Variants in LINGO1 observed in about 807,000 individuals in gnomAD.
The protein encoded by LINGO1 is leucine-rich repeat and immunoglobulin-like domain-containing nogo receptor-interacting protein 1.
Under a neutral mutation model 37.3 loss-of-function variants are expected in LINGO1, and 11 were observed. The ratio of observed to expected loss-of-function variants is 0.29; its 90% CI spans 0.19 to 0.49. The LOEUF (loss-of-function observed/expected upper bound fraction) is 0.49. LINGO1 is among the 20% of genes least tolerant of loss of function. The pLI is 0.99. For missense variants in LINGO1, 585 were observed against 878.2 expected, an observed-to-expected ratio of 0.67 and a Z score of 4.22; for synonymous variants, 387 against 403.0, an observed-to-expected ratio of 0.96 and a Z score of 0.48.
intron 2 of LINGO1, among the ~76,000 whole-genome samples, chr15:77,712,851 G>C (rs373742311): frequency 6.6e-6 from 1 of 152,214 alleles, no homozygotes; most frequent in Admixed American, 6.5e-5. Context: ...GGCTCCACTT[G>C]GACTCTGAAC....
At chr15:77,771,950 T>A (rs2076590082) in intron 1 of LINGO1, among the ~76,000 whole-genome samples, 1 of 152,314 alleles carries the variant, frequency 6.6e-6, no homozygotes. Context: ...CCCTCCAGCC[T>A]GGCTCCAAGG....
chr15:77,634,614 A>AG (rs1488154175), upstream of LINGO1, among the ~76,000 whole-genome samples: 1 of 152,268 alleles, frequency 6.6e-6, no homozygotes, highest in East Asian at 1.9e-4. Flanking sequence ...ATGGACCAGC[A>AG]GGGGGCAGGC....
chr15:77,666,527 G>A lies in LINGO1; in HGVS notation c.-13+10562C>T, dbSNP rs1001152467. On this transcript the variant is annotated intron_variant, in intron 3 of 3. Coordinates refer to the LINGO1 transcript ENST00000559893. Reference sequence around the variant, plus strand: ...CTGGGGAGCACACAGGGGAAGAGATGCAGGTGAAGGAAATGACTTAGGGGC... The same window carrying A: ...CTGGGGAGCACACAGGGGAAGAGATACAGGTGAAGGAAATGACTTAGGGGC... 3.9e-5 allele frequency among the ~76,000 whole-genome samples: 6 copies of A among 152,190 alleles called. No homozygotes were observed. The South Asian group carries it at 1.0e-3, about 26-fold the overall frequency.
At chr15:77,706,473 C>A (rs1324136828) in intron 2 of LINGO1, among the ~76,000 whole-genome samples, 1 of 152,062 alleles carries the variant, frequency 6.6e-6, no homozygotes, top group East Asian at 1.9e-4. Flanking sequence ...ACCCTCCTCA[C>A]TATTGGCCTC....
chr15:77,800,060 G>A (rs567385706), intron 1 of LINGO1, among the ~76,000 whole-genome samples: 5 of 152,306 alleles, frequency 3.3e-5, no homozygotes, highest in South Asian at 4.1e-4. Flanking sequence ...AGAGCTGTGG[G>A]AAGGGAGGAA....
chr15:77,658,162 C>CGCCCT (rs913936371), intron 3 of LINGO1, among the ~76,000 whole-genome samples: 2 of 152,222 alleles, frequency 1.3e-5, no homozygotes, highest in African/African-American at 4.8e-5. Context: ...TCAGCAGGGC[C>CGCCCT]GCCCTGCCCT....
chr15:77,668,737 T>G (rs2075187995), intron 3 of LINGO1, among the ~76,000 whole-genome samples: 1 of 147,716 alleles, frequency 6.8e-6, no homozygotes, highest in Non-Finnish European at 1.5e-5. Flanking sequence ...TGTACGGTAT[T>G]CAACACACAT....
intron 3 of LINGO1, among the ~76,000 whole-genome samples, chr15:77,649,996 A>G (rs1291009297): frequency 6.6e-6 from 1 of 152,242 alleles, no homozygotes; most frequent in Non-Finnish European, 1.5e-5. Context: ...TGCCCCCCAA[A>G]TCCCAAGCCT....
At chr15:77,713,436 T>C (rs1483543598) in intron 2 of LINGO1, among the ~76,000 whole-genome samples, 1 of 151,952 alleles carries the variant, frequency 6.6e-6, no homozygotes, top group Non-Finnish European at 1.5e-5. Flanking sequence ...ATTCCATCTA[T>C]GTAACACTCA....
intron 3 of LINGO1, among the ~76,000 whole-genome samples, chr15:77,659,495 C>A (rs2074940903): frequency 6.6e-6 from 1 of 152,210 alleles, no homozygotes; most frequent in Non-Finnish European, 1.5e-5. Flanking sequence ...TTAAGGCCAT[C>A]TGACCAGAAC....
At chr15:77,640,827 CTCATTCATTCATTCATTCATTCAT>C (rs55914213) in intron 3 of LINGO1, among the ~76,000 whole-genome samples, 1 of 150,484 alleles carries the variant, frequency 6.6e-6, no homozygotes, top group Non-Finnish European at 1.5e-5. Context: ...CATTCATCTC[CTCATTCATTCATTCATTCATTCAT>C]TCATTCATTC....
chr15:77,760,024 G>A (rs763645151), intron 1 of LINGO1, among the ~76,000 whole-genome samples: 2 of 152,320 alleles, frequency 1.3e-5, no homozygotes, highest in African/African-American at 2.4e-5. Flanking sequence ...CCCACTCACC[G>A]CCTCTCACAG....
intron 1 of LINGO1, among the ~76,000 whole-genome samples, chr15:77,810,361 C>CACACACACAT (rs371243014): frequency 3.5e-4 from 53 of 152,096 alleles, no homozygotes; most frequent in African/African-American, 1.2e-3. Context: ...CACACACACA[C>CACACACACAT]AGAGGAATCT....
upstream of LINGO1, among the ~76,000 whole-genome samples, chr15:77,638,502 C>T (rs1242998395): frequency 6.6e-6 from 1 of 152,216 alleles, no homozygotes; most frequent in Non-Finnish European, 1.5e-5. Context: ...GAGCCTGGCT[C>T]GGCTGTCCCC....
intron 1 of LINGO1, among the ~76,000 whole-genome samples, chr15:77,753,649 A>C (rs1354990070): frequency 6.6e-6 from 1 of 152,212 alleles, no homozygotes. Context: ...AGTCTGGTGG[A>C]GGAGGGTCAG....
At chr15:77,672,973 T>C (rs1307643648) in intron 3 of LINGO1, among the ~76,000 whole-genome samples, 2 of 152,156 alleles carry the variant, frequency 1.3e-5, no homozygotes, top group African/African-American at 4.8e-5. Context: ...CATGAGACTT[T>C]GGGGACATTT....
chr15:77,619,802 C>T (rs927042007), intron 1 of LINGO1, among the ~76,000 whole-genome samples: 3 of 152,260 alleles, frequency 2.0e-5, no homozygotes, highest in Admixed American at 1.3e-4. Flanking sequence ...CTGCCACCCC[C>T]AGGCCTGGCA....
intron 1 of LINGO1, among the ~76,000 whole-genome samples, chr15:77,806,131 G>A (rs746710577): frequency 7.2e-5 from 11 of 152,170 alleles, no homozygotes; most frequent in East Asian, 1.9e-4. Context: ...TGCAAACAGC[G>A]ATGCCACTGG....
intron 2 of LINGO1, among the ~76,000 whole-genome samples, chr15:77,794,648 C>T (rs1375223748): frequency 6.9e-6 from 1 of 144,944 alleles, no homozygotes; most frequent in African/African-American, 2.6e-5. Flanking sequence ...AGTGCAGTGG[C>T]GTGATCTCGG....
Sources: allele counts gnomAD v4.1 joint callset (sites outside exome capture counted in the v4.1 genomes callset), GRCh38; gene constraint gnomAD v4.1.1; transcripts MANE v1.5; gene names NCBI Gene and HGNC (gene_info 2026-07-23, HGNC 2026-07-21).